ETFA: variants seen among roughly 807,000 people sequenced by gnomAD.
ETFA encodes electron transfer flavoprotein subunit alpha.
In ETFA, 22 loss-of-function variants were observed where a neutral mutation model predicts 46.2. The ratio of observed to expected loss-of-function variants is 0.48; its 90% CI spans 0.34 to 0.68. ETFA has a LOEUF of 0.68. Among genes scored for constraint, ETFA ranks in the 30% least tolerant of loss-of-function variants. The probability of loss-of-function intolerance (pLI) is 0.01; values close to 1 mark genes in which losing one functional copy is unlikely to be tolerated. For synonymous variants in ETFA, 131 were observed against 139.9 expected, an observed-to-expected ratio of 0.94 and a Z score of 0.45; for missense variants, 345 against 401.1, an observed-to-expected ratio of 0.86 and a Z score of 1.19.
chr15:76,308,600 C>A (rs1192121041), intron 1 of ETFA, among the ~76,000 whole-genome samples: 1 of 152,118 alleles, frequency 6.6e-6, no homozygotes, highest in African/African-American at 2.4e-5. Flanking sequence ...ACACCAATGT[C>A]ATCAAACCCA....
intron 9 of ETFA, 108 bp from the exon 10 acceptor site, chr15:76,231,506 AAT>A (rs1596191324): frequency 1.5e-6 from 1 of 663,832 alleles, no homozygotes; most frequent in African/African-American, 1.8e-5. Context: ...TGTTAAATAA[AAT>A]AGAGGCAAAA....
chr15:76,283,932 A>G, intron 7 of ETFA, 107 bp from the exon 8 acceptor site: 1 of 752,610 alleles, frequency 1.3e-6, no homozygotes, highest in Non-Finnish European at 2.3e-6. Context: ...TGTAACTGCC[A>G]TATTAAGCAT....
chr15:76,258,602 G>A (rs1438080338), intron 9 of ETFA, among the ~76,000 whole-genome samples: 1 of 152,224 alleles, frequency 6.6e-6, no homozygotes, highest in African/African-American at 2.4e-5. Flanking sequence ...GCAGCCCAAT[G>A]CATGCACTTA....
intron 9 of ETFA, among the ~76,000 whole-genome samples, chr15:76,232,133 T>C (rs142266092): frequency 1.1e-4 from 17 of 152,288 alleles, no homozygotes; most frequent in African/African-American, 3.1e-4. Flanking sequence ...ATGTTGATGA[T>C]ATTTGTACCT....
chr15:76,237,273 G>A lies in ETFA; in HGVS notation c.817-5875C>T, dbSNP rs1194186107. Among the ~76,000 whole-genome samples, 5 of 152,114 alleles carry A rather than the reference G, an allele frequency of 3.3e-5. No individual in the cohort carries two copies. In the South Asian group the frequency reaches 6.2e-4, roughly 19 times the overall value. On this transcript the variant is annotated intron_variant, in intron 9 of 11. Coordinates refer to ENST00000557943, the MANE Select transcript of ETFA (RefSeq NM_000126.4). ...TTGCCATGTTGGCCAGGCTGGTCTCGAATTCCTGACCTCAGGTGATCCACC... is the reference window on the plus strand; with the variant it reads ...TTGCCATGTTGGCCAGGCTGGTCTCAAATTCCTGACCTCAGGTGATCCACC...
At chr15:76,269,175 C>T (rs1291120587) in intron 9 of ETFA, among the ~76,000 whole-genome samples, 1 of 152,042 alleles carries the variant, frequency 6.6e-6, no homozygotes, top group East Asian at 1.9e-4. Context: ...AGAAAGCTGC[C>T]GTCAAGAACA....
At chr15:76,228,129 C>T in intron 10 of ETFA, 1 of 371,512 alleles carries the variant, frequency 2.7e-6, no homozygotes, top group Non-Finnish European at 5.3e-6. Flanking sequence ...GCCACTTAGT[C>T]AGACATCTGG....
At chr15:76,293,454 C>T (rs1567218724) in intron 2 of ETFA, among the ~76,000 whole-genome samples, 1 of 152,224 alleles carries the variant, frequency 6.6e-6, no homozygotes, top group Non-Finnish European at 1.5e-5. Context: ...ACATATTTAT[C>T]TATGACAAAG....
chr15:76,306,740 A>G, intron 1 of ETFA, among the ~76,000 whole-genome samples: 1 of 152,308 alleles, frequency 6.6e-6, no homozygotes, highest in Middle Eastern at 3.4e-3. Context: ...TCCTTTTAGT[A>G]ATAAAATATA....
chr15:76,311,432 G>T lies in ETFA; in HGVS notation c.-44C>A, dbSNP rs558025844. On this transcript the variant is annotated 5_prime_UTR_variant, in exon 1 of 12. Coordinates refer to ENST00000557943, the MANE Select transcript of ETFA (RefSeq NM_000126.4). Reference sequence around the variant, plus strand: ...AACCTCGGCCTTACAGCAGCCCCGTGCCCGGCCAACTGGCGCCGCCTCAGC... The same window carrying T: ...AACCTCGGCCTTACAGCAGCCCCGTTCCCGGCCAACTGGCGCCGCCTCAGC... The T allele has an allele frequency of 3.9e-6, 6 of 1,546,126 alleles. No individual in the cohort carries two copies. The East Asian group carries it at 9.7e-5, about 25-fold the overall frequency.
chr15:76,302,046 A>C lies in ETFA; in HGVS notation c.40-6309T>G, dbSNP rs184573542. ...AACACTGACAATACCAAATGCTAGT[A>C]AGGATGTGGAACAACAGAAACTCTC... On this transcript the variant is annotated intron_variant, in intron 1 of 11. Transcript: ENST00000557943. 1.0e-3 allele frequency among the ~76,000 whole-genome samples: 158 copies of C among 152,340 alleles called. 1 individual carries two copies. Among genetic ancestry groups the C allele is most frequent in the African/African-American group, 3.7e-3 (155 of 41,586 alleles).
At chr15:76,283,315 C>T (rs1019999342) in intron 8 of ETFA, among the ~76,000 whole-genome samples, 1 of 152,176 alleles carries the variant, frequency 6.6e-6, no homozygotes, top group Non-Finnish European at 1.5e-5. Context: ...CCTCAGCCTC[C>T]TGAGTACCTG....
intron 1 of ETFA, among the ~76,000 whole-genome samples, chr15:76,309,253 T>C (rs1054171955): frequency 2.0e-5 from 3 of 152,148 alleles, no homozygotes; most frequent in Non-Finnish European, 2.9e-5. Context: ...ATCGAGACCA[T>C]ACCGGCTAAC....
At position 76,218,289 on chromosome 15, in the gene ETFA, CAG is replaced by C. The variant is rs200204349; in HGVS notation, c.964-1694_964-1693del. On this transcript the variant is annotated intron_variant, in intron 11 of 11. Transcript: ENST00000557943. ...CACACTTTTTTTTTCTTTTCCAAGA[CAG>C]AGTTTTGCTCTTGTTGCCCAGGCTG... Among the ~76,000 whole-genome samples, 790 of 152,064 alleles carry C rather than the reference CAG, an allele frequency of 5.2e-3. 8 individuals are homozygous for C. Among genetic ancestry groups the C allele is most frequent in the African/African-American group, 0.018 (730 of 41,468 alleles).
chr15:76,304,333 T>C (rs940237624), intron 1 of ETFA, among the ~76,000 whole-genome samples: 1 of 152,056 alleles, frequency 6.6e-6, no homozygotes, highest in African/African-American at 2.4e-5. Flanking sequence ...AAATTACCTA[T>C]TGGATGCTAT....
chr15:76,269,835 A>T (rs902064466), intron 9 of ETFA, among the ~76,000 whole-genome samples: 4 of 152,222 alleles, frequency 2.6e-5, no homozygotes, highest in Non-Finnish European at 5.9e-5. Flanking sequence ...GTGAGAAAAT[A>T]TTTGTAAAAC....
intron 2 of ETFA, among the ~76,000 whole-genome samples, chr15:76,295,243 T>C (rs2039806072): frequency 6.6e-6 from 1 of 152,196 alleles, no homozygotes; most frequent in Admixed American, 6.5e-5. Context: ...GATTTACCAC[T>C]TTCAGGAATT....
chr15:76,262,059 A>T (rs2039419520), intron 9 of ETFA, among the ~76,000 whole-genome samples: 1 of 152,218 alleles, frequency 6.6e-6, no homozygotes, highest in Non-Finnish European at 1.5e-5. Flanking sequence ...ACAGATAAGA[A>T]ATTAGAGAAA....
intron 9 of ETFA, among the ~76,000 whole-genome samples, chr15:76,237,977 G>A (rs2039143677): frequency 6.6e-6 from 1 of 152,132 alleles, no homozygotes; most frequent in East Asian, 1.9e-4. Flanking sequence ...AGGAAGTTGG[G>A]ATGATTTCTT....
Sources: gnomAD v4.1 joint callset for allele counts (sites outside exome capture counted in the v4.1 genomes callset) on GRCh38, gnomAD v4.1.1 for gene constraint, MANE v1.5 for transcripts, NCBI Gene and HGNC (gene_info 2026-07-23, HGNC 2026-07-21) for gene names.